CASZ1: variants seen among roughly 807,000 people sequenced by gnomAD.
The protein encoded by CASZ1 is castor zinc finger 1.
A neutral mutation model predicts 135.2 loss-of-function variants in CASZ1; 28 were observed. That is an observed-to-expected ratio of 0.21 (90% CI 0.15 to 0.28). The LOEUF is 0.28. CASZ1 is among the 10% of genes least tolerant of loss of function. The pLI is 1.00. For synonymous variants in CASZ1, 1,068 were observed against 1,073.4 expected, an observed-to-expected ratio of 0.99 and a Z score of 0.10; for missense variants, 2,161 against 2,453.3, an observed-to-expected ratio of 0.88 and a Z score of 2.52.
At chr1:10,769,195 T>C (rs576873074) in intron 1 of CASZ1, among the ~76,000 whole-genome samples, 1 of 152,284 alleles carries the variant, frequency 6.6e-6, no homozygotes, top group African/African-American at 2.4e-5. Context: ...TCAGCCACGC[T>C]ATGGACCACT....
chr1:10,667,973 C>T (rs1167751441), intron 4 of CASZ1, among the ~76,000 whole-genome samples: 4 of 152,102 alleles, frequency 2.6e-5, no homozygotes, highest in Non-Finnish European at 4.4e-5. Flanking sequence ...TTGCTCCTGC[C>T]GACTCCCCCG....
At chr1:10,770,963 T>A (rs1412056110) in intron 1 of CASZ1, among the ~76,000 whole-genome samples, 3 of 152,172 alleles carry the variant, frequency 2.0e-5, no homozygotes, top group Middle Eastern at 3.4e-3. Context: ...AGGAGAGACG[T>A]GCTTTTCCCA....
At chr1:10,787,873 C>G (rs1271494438) in intron 1 of CASZ1, among the ~76,000 whole-genome samples, 2 of 152,340 alleles carry the variant, frequency 1.3e-5, no homozygotes, top group South Asian at 4.1e-4. Context: ...GCCTTCACCT[C>G]TGACTCCCAC....
At chr1:10,654,383 T>C in intron 10 of CASZ1, 36 bp downstream of exon 10, 1 of 1,605,240 alleles carries the variant, frequency 6.2e-7, no homozygotes, top group Non-Finnish European at 8.5e-7. Flanking sequence ...CCTCCCCGCT[T>C]CTGCCCACGA....
At chr1:10,708,303 C>T (rs79031475) in intron 2 of CASZ1, among the ~76,000 whole-genome samples, 3 of 152,218 alleles carry the variant, frequency 2.0e-5, no homozygotes, top group African/African-American at 7.2e-5. Flanking sequence ...CCCATCCCAC[C>T]ATCCCATTGC....
At chr1:10,708,376 C>A (rs1221738378) in intron 2 of CASZ1, among the ~76,000 whole-genome samples, 1 of 152,182 alleles carries the variant, frequency 6.6e-6, no homozygotes, top group Non-Finnish European at 1.5e-5. Flanking sequence ...GTGGCCCTAC[C>A]CACCTTTTAC....
chr1:10,642,863 C>T lies in CASZ1; in HGVS notation c.4158G>A (p.Ala1386=), dbSNP rs368787986. Residue 1386 remains alanine, a synonymous_variant, in exon 20 of 21, where the codon GCG becomes GCA. Coordinates refer to ENST00000377022, the MANE Select transcript of CASZ1 (RefSeq NM_001079843.3). ...CAGCCCCTGCCTGCCGCTCACCTGC[C>T]GCGGTGCTCTCGTTACCCACGGGGG... The part of the protein sequence containing the change: ...SSTPVGNEST[A]AGNTISMPTA... The T allele has an allele frequency of 1.3e-5, 21 of 1,612,236 alleles. No homozygotes were observed. Among genetic ancestry groups the T allele is most frequent in the Admixed American group, 1.7e-5 (1 of 59,956 alleles).
At chr1:10,743,969 A>G (rs1239609208) in intron 2 of CASZ1, among the ~76,000 whole-genome samples, 1 of 151,986 alleles carries the variant, frequency 6.6e-6, no homozygotes, top group Admixed American at 6.6e-5. Flanking sequence ...GCCTCAGGGG[A>G]CACCCAACTA....
chr1:10,682,053 G>T (rs914618155), intron 4 of CASZ1, among the ~76,000 whole-genome samples: 6 of 152,180 alleles, frequency 3.9e-5, no homozygotes, highest in Admixed American at 3.9e-4. Flanking sequence ...TCCTGTCCCT[G>T]TCCCAAAAGG....
At chr1:10,783,665 G>A (rs1213450114) in intron 1 of CASZ1, among the ~76,000 whole-genome samples, 2 of 152,008 alleles carry the variant, frequency 1.3e-5, no homozygotes, top group Middle Eastern at 3.4e-3. Flanking sequence ...TTGAGGTCAG[G>A]GGTTCGAGAC....
At chr1:10,650,875 C>G (rs914345534) in intron 12 of CASZ1, 66 bp downstream of exon 12, 80 of 1,604,162 alleles carry the variant, frequency 5.0e-5, no homozygotes, top group Non-Finnish European at 6.3e-5. Context: ...TGGGCGGGAC[C>G]ACCCCGGGGC....
intron 20 of CASZ1, among the ~76,000 whole-genome samples, chr1:10,640,655 T>C (rs1290960814): frequency 5.9e-5 from 9 of 152,180 alleles, no homozygotes. Context: ...TTTAAGGTCT[T>C]GTTGGGGTTT....
chr1:10,711,669 T>A lies in CASZ1; in HGVS notation c.-76-6125A>T, dbSNP rs1639288583. ...CTATTCACAGTAGTCAGATGGTAGA[T>A]ACAATTCAAGTGTCCATGGACTGAG... is the stretch of plus-strand genomic sequence containing the variant. On this transcript the variant is annotated intron_variant, in intron 2 of 20. Transcript: ENST00000377022. This position sits in a 1 kb window ranked among gnomAD's most constrained non-coding sequence, Gnocchi z 4.4. 1.3e-5 allele frequency among the ~76,000 whole-genome samples: 2 copies of A among 151,714 alleles called. No homozygotes were observed. Among genetic ancestry groups the A allele is most frequent in the Admixed American group, 1.3e-4 (2 of 15,248 alleles).
At chr1:10,764,778 T>C (rs7519604) in intron 1 of CASZ1, among the ~76,000 whole-genome samples, 94,146 of 152,104 alleles carry the variant, frequency 0.62, 31,074 homozygotes, top group Non-Finnish European at 0.74. Flanking sequence ...CACCAGGCAG[T>C]GCTCACACGT....
rs1411320512 is a variant in CASZ1, at chr1:10,717,248, AC to A, written c.-76-11705del. On this transcript the variant is annotated intron_variant, in intron 2 of 20. Transcript: ENST00000377022. This position sits in a 1 kb window ranked among gnomAD's most constrained non-coding sequence, Gnocchi z 4.6. ...TTTCCAAAAAGCCCCTGCAGTTCCC[AC>A]GGAACCCACTCACCCCACCCCCAGC... Among the ~76,000 whole-genome samples the A allele has an allele frequency of 6.6e-6, 1 of 152,132 alleles. No individual in the cohort carries two copies. Among genetic ancestry groups the A allele is most frequent in the Non-Finnish European group, 1.5e-5 (1 of 68,014 alleles).
chr1:10,783,602 G>A (rs1640801407), intron 1 of CASZ1, among the ~76,000 whole-genome samples: 1 of 152,144 alleles, frequency 6.6e-6, no homozygotes, highest in Non-Finnish European at 1.5e-5. Flanking sequence ...GCCTGGTGCA[G>A]TGGCTCATGC....
At chr1:10,743,183 G>C (rs1570548122) in intron 2 of CASZ1, among the ~76,000 whole-genome samples, 1 of 152,236 alleles carries the variant, frequency 6.6e-6, no homozygotes, top group East Asian at 1.9e-4. Flanking sequence ...GAGGCTGGGG[G>C]ACAGGAGGAG....
At chr1:10,656,557 C>G (rs1466630161) in intron 8 of CASZ1, 89 bp downstream of exon 8, 3 of 982,724 alleles carry the variant, frequency 3.1e-6, no homozygotes, top group African/African-American at 1.6e-5. Context: ...AACTAACCCC[C>G]CCCACTGCCG....
intron 4 of CASZ1, among the ~76,000 whole-genome samples, chr1:10,684,147 C>A (rs562729223): frequency 7.4e-6 from 1 of 135,586 alleles, no homozygotes; most frequent in Non-Finnish European, 1.6e-5. Flanking sequence ...GTGGCTCTCT[C>A]GGAAGGAAGG....
Sources: allele counts gnomAD v4.1 joint callset (sites outside exome capture counted in the v4.1 genomes callset), GRCh38; gene constraint gnomAD v4.1.1; non-coding constraint Gnocchi (gnomAD v3.1); transcripts MANE v1.5; gene names NCBI Gene and HGNC (gene_info 2026-07-23, HGNC 2026-07-21).